RAB38: variants seen among roughly 807,000 people sequenced by gnomAD.
RAB38 encodes RAB38, member RAS oncogene family.
Under a neutral mutation model 18.4 loss-of-function variants are expected in RAB38, and 15 were observed. The observed-to-expected ratio is 0.82, with a 90% confidence interval of 0.55 to 1.26. RAB38 has a LOEUF of 1.26. RAB38 is among the 50% of genes most tolerant of loss of function. RAB38 has a pLI of 0.00. For missense variants in RAB38, 294 were observed against 267.4 expected (o/e 1.10, Z -0.69); for synonymous variants, 101 against 104.4 (o/e 0.97, Z 0.20).
chr11:88,038,184 C>A, the RAB38 span, among the ~76,000 whole-genome samples: 1 of 152,160 alleles, frequency 6.6e-6, no homozygotes, highest in Non-Finnish European at 1.5e-5. Flanking sequence ...CAAAAACCAG[C>A]ATGAGCTGGG....
the RAB38 span, among the ~76,000 whole-genome samples, chr11:88,076,644 C>A: frequency 6.6e-6 from 1 of 151,962 alleles, no homozygotes; most frequent in Admixed American, 6.6e-5. Flanking sequence ...GAAATAAATT[C>A]TATTTATAAT....
At chr11:87,938,462 T>C in the RAB38 span, among the ~76,000 whole-genome samples, 1 of 152,108 alleles carries the variant, frequency 6.6e-6, no homozygotes, top group Non-Finnish European at 1.5e-5. Context: ...GGTGCTTCTT[T>C]ACAGCCTCAC....
the RAB38 span, among the ~76,000 whole-genome samples, chr11:87,828,642 G>C: frequency 6.6e-6 from 1 of 152,188 alleles, no homozygotes; most frequent in East Asian, 1.9e-4. Context: ...TGACACTGCA[G>C]AGGCTCATCC....
the RAB38 span, among the ~76,000 whole-genome samples, chr11:87,913,438 C>T: frequency 1.1e-3 from 163 of 151,934 alleles, 1 homozygote; most frequent in African/African-American, 3.7e-3. Context: ...ATTAAGTAAC[C>T]CCTGAACATT....
the RAB38 span, among the ~76,000 whole-genome samples, chr11:87,976,159 C>T: frequency 2.1e-5 from 3 of 145,938 alleles, no homozygotes; most frequent in East Asian, 6.0e-4. Flanking sequence ...CATATATATA[C>T]CTTTATGTAT....
chr11:88,027,400 G>A, the RAB38 span, among the ~76,000 whole-genome samples: 13 of 152,270 alleles, frequency 8.5e-5, no homozygotes, highest in African/African-American at 2.9e-4. Context: ...CACCGTGTGC[G>A]AGCCTAAGCA....
the RAB38 span, among the ~76,000 whole-genome samples, chr11:87,809,053 AACATAGAGTTGGCATG>A: frequency 6.6e-6 from 1 of 151,586 alleles, no homozygotes; most frequent in African/African-American, 2.4e-5. Flanking sequence ...GAGAAAAAGG[AACATAGAGTTGGCATG>A]ACAAACAGAA....
intron 1 of RAB38, chr11:88,173,867 T>C (rs1943343089): frequency 1.0e-6 from 1 of 985,444 alleles, no homozygotes; most frequent in Non-Finnish European, 1.2e-6. Context: ...TGGCAGTTCA[T>C]GATTAAAGAG....
chr11:87,891,891 T>C, the RAB38 span, among the ~76,000 whole-genome samples: 179 of 151,944 alleles, frequency 1.2e-3, 1 homozygote, highest in Non-Finnish European at 2.1e-3. Context: ...TCTCTTTTGT[T>C]TTTTCTCCTC....
At chr11:88,117,853 G>A (rs1443629736) in intron 2 of RAB38, among the ~76,000 whole-genome samples, 2 of 152,138 alleles carry the variant, frequency 1.3e-5, no homozygotes. Flanking sequence ...AACAGTGAAA[G>A]GCATACAGTA....
downstream of RAB38, among the ~76,000 whole-genome samples, chr11:88,108,386 CTTTTTTGATA>C (rs1327926120): frequency 9.2e-5 from 14 of 152,206 alleles, no homozygotes; most frequent in East Asian, 2.7e-3. Context: ...CCTTCTTTGT[CTTTTTTGATA>C]TTTGTTGGTT....
chr11:87,813,897 T>C, the RAB38 span, among the ~76,000 whole-genome samples: 2 of 152,194 alleles, frequency 1.3e-5, no homozygotes, highest in African/African-American at 2.4e-5. Flanking sequence ...CTGTTTCCCG[T>C]GGGGGTGTGG....
rs765416457 is a variant in RAB38 at position 88,175,253 on chromosome 11, C to G, written c.132G>C (p.Val44=). ...AGTGGAGCACCTTGAGCGCGAAGTC[C>G]ACGCCGATTGTGGCCCGGTAGTGCG... The part of the protein sequence containing the change: ...FSSHYRATIG[V]DFALKVLHWD... Residue 44 remains valine, a synonymous_variant, in exon 1 of 3, where the codon GTG becomes GTC. Coordinates refer to ENST00000243662, the MANE Select transcript of RAB38 (RefSeq NM_022337.3). 3.7e-6 allele frequency: 6 copies of G among 1,614,032 alleles called. No homozygotes were observed. The African/African-American group carries it at 8.0e-5, about 22-fold the overall frequency.
At chr11:87,818,119 A>C in the RAB38 span, among the ~76,000 whole-genome samples, 75 of 152,298 alleles carry the variant, frequency 4.9e-4, no homozygotes, top group African/African-American at 1.4e-3. Context: ...GATAGCCGGG[A>C]GCTCCATTTC....
chr11:88,144,259 T>C (rs1565215499), intron 2 of RAB38, among the ~76,000 whole-genome samples: 1 of 152,236 alleles, frequency 6.6e-6, no homozygotes. Context: ...TTAAATGTGC[T>C]GTGACAAATT....
the RAB38 span, among the ~76,000 whole-genome samples, chr11:88,083,189 C>A: frequency 6.6e-6 from 1 of 151,924 alleles, no homozygotes. Context: ...TTCTTGAATA[C>A]CCTATTTAAA....
the RAB38 span, among the ~76,000 whole-genome samples, chr11:87,886,757 G>C: frequency 3.3e-5 from 5 of 151,178 alleles, no homozygotes; most frequent in Non-Finnish European, 7.4e-5. Flanking sequence ...AAGATGAGCT[G>C]ATTATCCAAG....
the RAB38 span, among the ~76,000 whole-genome samples, chr11:87,977,659 A>G: frequency 3.0e-4 from 36 of 118,386 alleles, no homozygotes; most frequent in African/African-American, 1.1e-3. Flanking sequence ...TATACAGTAT[A>G]TAACTATATA....
At chr11:87,841,974 CTCT>C in the RAB38 span, among the ~76,000 whole-genome samples, 8 of 152,172 alleles carry the variant, frequency 5.3e-5, no homozygotes, top group Admixed American at 2.0e-4. Flanking sequence ...TTTTATTTTC[CTCT>C]TCTTCTTGCT....
Sources: gnomAD v4.1 joint callset for allele counts (sites outside exome capture counted in the v4.1 genomes callset) on GRCh38, gnomAD v4.1.1 for gene constraint, MANE v1.5 for transcripts, NCBI Gene and HGNC (gene_info 2026-07-23, HGNC 2026-07-21) for gene names.